Variants in PLCL1 observed in about 807,000 individuals in gnomAD.
PLCL1 encodes the protein phospholipase C like 1 (inactive).
PLCL1 carries 41 observed loss-of-function variants against 84.4 expected under a neutral mutation model. The ratio of observed to expected loss-of-function variants is 0.49; its 90% CI spans 0.38 to 0.63. PLCL1 has a LOEUF of 0.63. Among genes scored for constraint, PLCL1 ranks in the 30% least tolerant of loss-of-function variants. PLCL1 has a pLI of 0.00. For missense variants in PLCL1, 1,206 were observed against 1,367.8 expected, an observed-to-expected ratio of 0.88 and a Z score of 1.87; for synonymous variants, 490 against 488.3, an observed-to-expected ratio of 1.00 and a Z score of -0.05.
intron 1 of PLCL1, among the ~76,000 whole-genome samples, chr2:198,034,335 G>A (rs1489575307): frequency 6.6e-6 from 1 of 152,176 alleles, no homozygotes; most frequent in African/African-American, 2.4e-5. Flanking sequence ...CAGGGATCTA[G>A]AACTAGAAAT....
rs995694252 is a variant in PLCL1, at chr2:197,827,053, G to C, written c.240+21714G>C. ...ACTGCTACACTAGTTCAGGCCACTA[G>C]CTTGGCCTGTATCATTGTGGCATCT... is the stretch of plus-strand genomic sequence containing the variant. On this transcript the variant is annotated intron_variant, in intron 1 of 5. Coordinates refer to ENST00000428675, the MANE Select transcript of PLCL1 (RefSeq NM_006226.4). Among the ~76,000 whole-genome samples, 94 of 152,254 alleles carry C rather than the reference G, an allele frequency of 6.2e-4. 1 individual carries two copies. The highest frequency in any genetic ancestry group is 2.0e-3 in the African/African-American group (85 of 41,548).
intron 1 of PLCL1, among the ~76,000 whole-genome samples, chr2:197,891,993 T>C (rs1416072162): frequency 1.3e-5 from 2 of 152,162 alleles, no homozygotes; most frequent in Non-Finnish European, 2.9e-5. Flanking sequence ...TACACGTGAG[T>C]GTGCTTTATG....
intron 1 of PLCL1, among the ~76,000 whole-genome samples, chr2:198,004,225 A>G (rs994797508): frequency 3.3e-5 from 5 of 152,234 alleles, no homozygotes; most frequent in Non-Finnish European, 7.4e-5. Context: ...AACTCAATAG[A>G]TCTTAAACAC....
chr2:197,854,310 G>A (rs1398700741), intron 1 of PLCL1, among the ~76,000 whole-genome samples: 1 of 152,182 alleles, frequency 6.6e-6, no homozygotes, highest in African/African-American at 2.4e-5. Flanking sequence ...GGAATACCAA[G>A]CCAATTCAAA....
intron 1 of PLCL1, among the ~76,000 whole-genome samples, chr2:197,981,092 A>T (rs1690095164): frequency 6.6e-6 from 1 of 152,204 alleles, no homozygotes; most frequent in African/African-American, 2.4e-5. Context: ...GACTTTTCTT[A>T]ATCACTGCAA....
At chr2:198,050,488 T>C (rs955545959) in intron 1 of PLCL1, among the ~76,000 whole-genome samples, 1 of 151,696 alleles carries the variant, frequency 6.6e-6, no homozygotes, top group South Asian at 2.1e-4. Context: ...GTAAATAAAA[T>C]GGAGATGTAG....
Position 198,086,079 on chromosome 2 carries a change from A to G in PLCL1, c.2562A>G (p.Gly854=), listed in dbSNP as rs748315696. 5 of 1,614,078 alleles carry G rather than the reference A, an allele frequency of 3.1e-6. No individual in the cohort carries two copies. The highest frequency in any genetic ancestry group is 4.2e-6 in the Non-Finnish European group (5 of 1,179,974). Residue 854 remains glycine (G), a synonymous_variant, in exon 2 of 6, where the codon GGA becomes GGG. Transcript: ENST00000428675. ...HIAITNRSGG[G]KAQKRSLSVR... is the part of the protein sequence containing the mutation. Reference sequence around the variant, plus strand: ...CAATAACTAATCGAAGTGGAGGAGGAAAGGCACAGAAGCGCAGTCTTTCAG... The same window carrying G: ...CAATAACTAATCGAAGTGGAGGAGGGAAGGCACAGAAGCGCAGTCTTTCAG...
chr2:197,923,840 C>T (rs565341165), intron 1 of PLCL1, among the ~76,000 whole-genome samples: 4 of 151,622 alleles, frequency 2.6e-5, no homozygotes, highest in African/African-American at 9.6e-5. Context: ...GAGCCGAGAT[C>T]ACGCCATTGC....
Position 197,820,333 on chromosome 2 carries a change from C to T in PLCL1, c.240+14994C>T, listed in dbSNP as rs1574896046. Among the ~76,000 whole-genome samples, 3 of 152,140 alleles carry T rather than the reference C, an allele frequency of 2.0e-5. No homozygotes were observed. The Middle Eastern group carries it at 0.01, about 517-fold the overall frequency. On this transcript the variant is annotated intron_variant, in intron 1 of 5. Coordinates refer to ENST00000428675, the MANE Select transcript of PLCL1 (RefSeq NM_006226.4). ...GCTTAAAACAGCACAGATTTATTAT[C>T]TTATAGTTCTAGAGTCATTTATTGT...
chr2:197,996,043 G>T (rs1207977231), intron 1 of PLCL1, among the ~76,000 whole-genome samples: 1 of 152,140 alleles, frequency 6.6e-6, no homozygotes, highest in Non-Finnish European at 1.5e-5. Flanking sequence ...ACAGGGAGGG[G>T]GCTGCATACA....
chr2:198,012,151 A>G (rs757825946), intron 1 of PLCL1, among the ~76,000 whole-genome samples: 5 of 152,258 alleles, frequency 3.3e-5, no homozygotes, highest in Admixed American at 1.3e-4. Context: ...CCCAAAGCTC[A>G]GAGTGAATGG....
At chr2:197,900,093 C>G (rs1044248703) in intron 1 of PLCL1, among the ~76,000 whole-genome samples, 3 of 152,196 alleles carry the variant, frequency 2.0e-5, no homozygotes, top group Non-Finnish European at 4.4e-5. Flanking sequence ...TTAACACCTC[C>G]TGACATACAT....
At chr2:197,932,513 G>A (rs1043498226) in intron 1 of PLCL1, among the ~76,000 whole-genome samples, 7 of 151,830 alleles carry the variant, frequency 4.6e-5, no homozygotes, top group African/African-American at 1.2e-4. Context: ...GATGCTCTCC[G>A]TCCCCCTACC....
At chr2:197,996,869 C>T (rs1690479531) in intron 1 of PLCL1, among the ~76,000 whole-genome samples, 1 of 152,148 alleles carries the variant, frequency 6.6e-6, no homozygotes, top group Non-Finnish European at 1.5e-5. Context: ...GAGGTCATTG[C>T]TTGCTGTCAA....
In PLCL1 at chr2:198,147,017, T is replaced by A. The variant is rs1694537843; in HGVS notation, c.*55T>A. 11 of 1,404,778 alleles carry A rather than the reference T, an allele frequency of 7.8e-6. No individual in the cohort carries two copies. In the South Asian group the frequency reaches 1.7e-4, roughly 22 times the overall value. 87.0% of individuals were successfully genotyped at this position (1,404,778 alleles called of 1,614,324 possible). A position where few individuals can be genotyped will look rare whatever the true frequency, so the allele number is the denominator to read the frequency against. On this transcript the variant is annotated 3_prime_UTR_variant, in exon 6 of 6. Coordinates refer to ENST00000428675, the MANE Select transcript of PLCL1 (RefSeq NM_006226.4). ...CTTATCAAGGACTCTGGTTTCTCAT[T>A]CTTGTTTTCTTTCTTTAAATGTTTT...
chr2:197,915,523 T>A (rs77101319), intron 1 of PLCL1, among the ~76,000 whole-genome samples: 1 of 143,434 alleles, frequency 7.0e-6, no homozygotes, highest in Admixed American at 7.0e-5. Context: ...CAGAAGGAGA[T>A]TTTTTTTTTT....
In PLCL1 at chr2:198,047,165, A is replaced by ATGTGTGTGTG. The variant is rs10560234; in HGVS notation, c.241-36573_241-36564dup. ...AACCAGGAGAGATGCATGTGTGTGT[A>ATGTGTGTGTG]TGTGTGTGTGTGTGTGTGTGTGTGT... On this transcript the variant is annotated intron_variant, in intron 1 of 5. Transcript: ENST00000428675. 3.4e-5 allele frequency among the ~76,000 whole-genome samples: 5 copies of ATGTGTGTGTG among 148,844 alleles called. No individual in the cohort carries two copies. The East Asian group carries it at 1.0e-3, about 30-fold the overall frequency.
chr2:197,823,746 G>A (rs1574897726), intron 1 of PLCL1, among the ~76,000 whole-genome samples: 1 of 150,520 alleles, frequency 6.6e-6, no homozygotes, highest in Non-Finnish European at 1.5e-5. Context: ...ATTTCTTGCA[G>A]TATTACAAAG....
intron 3 of PLCL1, among the ~76,000 whole-genome samples, chr2:198,093,982 CTATT>C (rs1437964189): frequency 6.6e-6 from 1 of 152,128 alleles, no homozygotes; most frequent in African/African-American, 2.4e-5. Context: ...ATAAATCCCA[CTATT>C]TATTAGTCAT....
Sources: allele counts gnomAD v4.1 joint callset (sites outside exome capture counted in the v4.1 genomes callset), GRCh38; gene constraint gnomAD v4.1.1; transcripts MANE v1.5; gene names NCBI Gene and HGNC (gene_info 2026-07-23, HGNC 2026-07-21).